Variants in PLCXD2 observed in about 807,000 individuals in gnomAD.
The protein encoded by PLCXD2 is phosphatidylinositol specific phospholipase C X domain containing 2.
In PLCXD2, 21 loss-of-function variants were observed where a neutral mutation model predicts 28.6. The ratio of observed to expected loss-of-function variants is 0.73; its 90% CI spans 0.52 to 1.06. The LOEUF is 1.06. PLCXD2 is among the 50% of genes least tolerant of loss of function. The probability of loss-of-function intolerance (pLI) is 0.00; values close to 1 mark genes in which losing one functional copy is unlikely to be tolerated. For synonymous variants in PLCXD2, 140 were observed against 150.1 expected (o/e 0.93, Z 0.49); for missense variants, 369 against 376.7 (o/e 0.98, Z 0.17).
intron 1 of PLCXD2, among the ~76,000 whole-genome samples, chr3:111,690,453 T>C (rs986074958): frequency 2.0e-5 from 3 of 152,196 alleles, no homozygotes; most frequent in African/African-American, 7.2e-5. Flanking sequence ...AAGTGGTCTA[T>C]GTAGTAATCA....
chr3:111,690,368 G>C (rs962236676), intron 1 of PLCXD2, among the ~76,000 whole-genome samples: 11 of 152,188 alleles, frequency 7.2e-5, no homozygotes, highest in African/African-American at 2.6e-4. Context: ...GGCTGAACAA[G>C]TTACATTTTT....
In PLCXD2 at chr3:111,714,096, G is replaced by C; in HGVS notation, c.834G>C (p.Leu278Phe). The change falls in exon 3 of 5, where the codon TTG (leucine) becomes TTC (phenylalanine). Residue 278 changes from leucine to phenylalanine, a missense_variant. By Grantham distance (22) the Leu-to-Phe change is conservative (BLOSUM62 0). Coordinates refer to ENST00000477665, the MANE Select transcript of PLCXD2 (RefSeq NM_001185106.1). The stretch of plus-strand genomic sequence containing the variant: ...GAGTGAAGACCATTGCCCGGGGCTT[G>C]GTTGGGGGCCTCAAGAACACGCTGG... The C allele has an allele frequency of 6.2e-7, 1 of 1,614,100 alleles. No individual in the cohort carries two copies. The highest frequency in any genetic ancestry group is 8.5e-7 in the Non-Finnish European group (1 of 1,180,022).
At chr3:111,678,228 G>T (rs552356873) in intron 1 of PLCXD2, among the ~76,000 whole-genome samples, 1 of 152,138 alleles carries the variant, frequency 6.6e-6, no homozygotes, top group Non-Finnish European at 1.5e-5. Context: ...TTTTACTTCC[G>T]CAACTGTTAA....
At chr3:111,720,289 C>T (rs1941327445) in intron 3 of PLCXD2, among the ~76,000 whole-genome samples, 1 of 152,110 alleles carries the variant, frequency 6.6e-6, no homozygotes, top group South Asian at 2.1e-4. Context: ...CAGCCTCAAC[C>T]TTCCAGGCTC....
intron 2 of PLCXD2, 33 bp downstream of exon 2, chr3:111,708,419 C>G (rs765697888): frequency 1.3e-5 from 20 of 1,572,792 alleles, no homozygotes; most frequent in South Asian, 3.4e-5. Context: ...CTTCCAAGAG[C>G]AAGAATTTAA....
intron 1 of PLCXD2, among the ~76,000 whole-genome samples, chr3:111,698,742 A>G (rs1184623273): frequency 6.6e-6 from 1 of 152,160 alleles, no homozygotes; most frequent in East Asian, 1.9e-4. Flanking sequence ...AAAAAGAGAC[A>G]GTGTCAGAGG....
chr3:111,682,107 A>T (rs1053872681), intron 1 of PLCXD2, among the ~76,000 whole-genome samples: 2 of 152,218 alleles, frequency 1.3e-5, no homozygotes, highest in Non-Finnish European at 2.9e-5. Flanking sequence ...GAGATCTGTG[A>T]CTAAATTTAT....
At chr3:111,683,581 CT>C (rs1940749087) in intron 1 of PLCXD2, among the ~76,000 whole-genome samples, 1 of 152,166 alleles carries the variant, frequency 6.6e-6, no homozygotes, top group African/African-American at 2.4e-5. Context: ...CTATTCAACA[CT>C]TGTATAATTT....
intron 1 of PLCXD2, among the ~76,000 whole-genome samples, chr3:111,703,547 T>C (rs142251893): frequency 1.3e-5 from 2 of 152,366 alleles, no homozygotes; most frequent in East Asian, 3.9e-4. Flanking sequence ...GGATAATGGC[T>C]ATTCCCTAAT....
intron 1 of PLCXD2, among the ~76,000 whole-genome samples, chr3:111,678,842 C>A (rs1208931621): frequency 6.6e-6 from 1 of 152,102 alleles, no homozygotes; most frequent in Admixed American, 6.5e-5. Context: ...ATGATTGGGT[C>A]ATTTTAGGTC....
chr3:111,699,060 A>G (rs1399135801), intron 1 of PLCXD2, among the ~76,000 whole-genome samples: 1 of 152,184 alleles, frequency 6.6e-6, no homozygotes, highest in Non-Finnish European at 1.5e-5. Context: ...ATGGGCTTCA[A>G]AGTTAGAAGG....
chr3:111,712,486 G>A lies in PLCXD2; in HGVS notation c.625-1401G>A, dbSNP rs529291087. 1.1e-3 allele frequency among the ~76,000 whole-genome samples: 170 copies of A among 152,232 alleles called. 1 individual carries two copies. The highest frequency in any genetic ancestry group is 1.1e-3 in the Non-Finnish European group (78 of 68,002). On this transcript the variant is annotated intron_variant, in intron 2 of 4. Coordinates refer to ENST00000477665, the MANE Select transcript of PLCXD2 (RefSeq NM_001185106.1). ...GGCAATCTGCTTATCATGAGCCTGT[G>A]ATTAACCTCATTAACACACCGGTTT...
intron 1 of PLCXD2, among the ~76,000 whole-genome samples, chr3:111,706,636 G>C (rs1941122036): frequency 2.0e-5 from 3 of 151,372 alleles, no homozygotes; most frequent in African/African-American, 7.3e-5. Flanking sequence ...ATATGGACTG[G>C]CTGAATGGAT....
At chr3:111,718,866 T>TA (rs1218815573) in intron 3 of PLCXD2, among the ~76,000 whole-genome samples, 1 of 152,232 alleles carries the variant, frequency 6.6e-6, no homozygotes, top group Non-Finnish European at 1.5e-5. Context: ...AGTTTACACT[T>TA]ACTATTAATG....
chr3:111,701,887 C>T (rs566176681), intron 1 of PLCXD2, among the ~76,000 whole-genome samples: 1 of 152,246 alleles, frequency 6.6e-6, no homozygotes, highest in East Asian at 1.9e-4. Flanking sequence ...GGCAGAAATT[C>T]AGGAGAGGCA....
At chr3:111,704,817 A>AT (rs34775570) in intron 1 of PLCXD2, among the ~76,000 whole-genome samples, 35,632 of 144,684 alleles carry the variant, frequency 0.25, 6,135 homozygotes, top group African/African-American at 0.49. Flanking sequence ...ATCTAGCATA[A>AT]TTTTTTTTTT....
intron 1 of PLCXD2, among the ~76,000 whole-genome samples, chr3:111,696,886 A>C (rs1021462309): frequency 6.6e-6 from 1 of 152,212 alleles, no homozygotes. Flanking sequence ...TTAGAGAATA[A>C]TTATTATCTA....
intron 1 of PLCXD2, among the ~76,000 whole-genome samples, chr3:111,699,788 T>G (rs951811458): frequency 2.0e-5 from 3 of 152,172 alleles, no homozygotes; most frequent in African/African-American, 7.2e-5. Flanking sequence ...CTAGGAGGCA[T>G]GATAAGGAAA....
rs574588432 is a variant in PLCXD2, at chr3:111,701,993, A to T, written c.164-5933A>T. Among the ~76,000 whole-genome samples, 16 of 152,172 alleles carry T rather than the reference A, an allele frequency of 1.1e-4. 1 individual carries two copies. In the South Asian group the frequency reaches 3.1e-3, roughly 30 times the overall value. ...CCATTGGAGGCAGGCCATAGCAGGA[A>T]GGTGGGAATGTAAGTTTGCAACTTA... On this transcript the variant is annotated intron_variant, in intron 1 of 4. Coordinates refer to ENST00000477665, the MANE Select transcript of PLCXD2 (RefSeq NM_001185106.1).
Sources: gnomAD v4.1 joint callset for allele counts (sites outside exome capture counted in the v4.1 genomes callset) on GRCh38, gnomAD v4.1.1 for gene constraint, MANE v1.5 for transcripts, NCBI Gene and HGNC (gene_info 2026-07-23, HGNC 2026-07-21) for gene names.